Variants in ADCY10 observed in about 807,000 individuals in gnomAD.
The protein encoded by ADCY10 is adenylate cyclase 10.
In ADCY10, 156 loss-of-function variants were observed where a neutral mutation model predicts 183.3. The ratio of observed to expected loss-of-function variants is 0.85; its 90% confidence interval spans 0.75 to 0.97. The LOEUF is 0.97. Ranked by LOEUF, ADCY10 falls within the 50% of genes least tolerant of loss-of-function variation. The pLI is 0.00. For missense variants in ADCY10, 1,745 were observed against 1,934.3 expected (o/e 0.90, Z 1.84); for synonymous variants, 645 against 670.0 (o/e 0.96, Z 0.58).
Position 167,896,624 on chromosome 1 carries a change from A to C in ADCY10, c.710T>G (p.Met237Arg). The C allele has an allele frequency of 1.2e-6, 2 of 1,613,742 alleles. No individual in the cohort carries two copies. Among genetic ancestry groups the C allele is most frequent in the Non-Finnish European group, 1.7e-6 (2 of 1,179,612 alleles). The change falls in exon 7 of 33, where the codon ATG (methionine) becomes AGG (arginine). Residue 237 changes from methionine to arginine, a missense_variant. Met to Arg is a moderately conservative substitution (Grantham distance 91). Transcript: ENST00000367851. ...GTGCTCACCAGAAGGATAATAATGC[A>C]TGAAGGTCGTACACTTTGTGAAAAA... is the stretch of plus-strand genomic sequence containing the variant. ...DEFFTKCTTFMHYYPSGEHKN... is the reference protein window; with the variant it reads ...DEFFTKCTTFRHYYPSGEHKN...
At chr1:167,887,272 A>T (rs1668292365) in intron 8 of ADCY10, among the ~76,000 whole-genome samples, 1 of 152,214 alleles carries the variant, frequency 6.6e-6, no homozygotes, top group Admixed American at 6.5e-5. Context: ...CACTATTCAC[A>T]ATAGCAAAGA....
intron 5 of ADCY10, 73 bp downstream of exon 5, chr1:167,901,589 G>A (rs1002697554): frequency 5.0e-5 from 72 of 1,448,080 alleles, no homozygotes; most frequent in Non-Finnish European, 4.4e-5. Context: ...CTTCTCTTTG[G>A]GAGAGAGAGA....
At position 167,884,369 on chromosome 1, in the gene ADCY10, A is replaced by T. The variant is rs533845861; in HGVS notation, c.829-741T>A. Among the ~76,000 whole-genome samples, 3 of 152,252 alleles carry T rather than the reference A, an allele frequency of 2.0e-5. No individual in the cohort carries two copies. The East Asian group carries it at 5.8e-4, about 29-fold the overall frequency. Reference sequence around the variant, plus strand: ...ACACACTTTTAAACAATCAGATCCCATGAGAACTCATTCACTATCACGAGA... The same window carrying T: ...ACACACTTTTAAACAATCAGATCCCTTGAGAACTCATTCACTATCACGAGA... On this transcript the variant is annotated intron_variant, in intron 8 of 32. Transcript: ENST00000367851.
intron 16 of ADCY10, 60 bp from the exon 17 acceptor site, chr1:167,856,499 T>A: frequency 6.5e-7 from 1 of 1,546,602 alleles, no homozygotes; most frequent in Non-Finnish European, 8.9e-7. Context: ...TTTTTACACA[T>A]GTATGGGTAT....
At chr1:167,849,211 C>T (rs1665291189) in intron 18 of ADCY10, among the ~76,000 whole-genome samples, 2 of 152,122 alleles carry the variant, frequency 1.3e-5, no homozygotes, top group African/African-American at 4.8e-5. Context: ...CATACCCACA[C>T]TCAGTTACAA....
At chr1:167,841,688 C>T (rs952337749) in intron 21 of ADCY10, among the ~76,000 whole-genome samples, 11 of 151,878 alleles carry the variant, frequency 7.2e-5, no homozygotes, top group African/African-American at 2.4e-4. Context: ...TGGGGTCTTG[C>T]TATCCTGCCC....
At chr1:167,843,782 T>C (rs987968237) in intron 21 of ADCY10, among the ~76,000 whole-genome samples, 59 of 152,174 alleles carry the variant, frequency 3.9e-4, no homozygotes, top group African/African-American at 1.2e-3. Flanking sequence ...CAGGCCCCAG[T>C]GTTCTATGTC....
chr1:167,825,990 G>A (rs528510448), intron 26 of ADCY10, among the ~76,000 whole-genome samples: 1 of 152,216 alleles, frequency 6.6e-6, no homozygotes, highest in South Asian at 2.1e-4. Flanking sequence ...AATACAAACA[G>A]GAAAAATAAA....
At chr1:167,814,790 G>A (rs1395316365) in intron 31 of ADCY10, among the ~76,000 whole-genome samples, 1 of 152,068 alleles carries the variant, frequency 6.6e-6, no homozygotes, top group Non-Finnish European at 1.5e-5. Context: ...ACTTAAACAT[G>A]ATTAAAATGT....
chr1:167,886,654 G>A (rs905218424), intron 8 of ADCY10, among the ~76,000 whole-genome samples: 1 of 152,184 alleles, frequency 6.6e-6, no homozygotes, highest in African/African-American at 2.4e-5. Flanking sequence ...CTTCATGACT[G>A]AAACACCAAA....
intron 30 of ADCY10, chr1:167,821,211 A>G (rs1662890694): frequency 6.6e-6 from 1 of 152,374 alleles, no homozygotes; most frequent in Admixed American, 6.5e-5. Context: ...TAATAGCTAC[A>G]TGCTTAACTG....
chr1:167,903,079 A>C (rs1305860870), intron 3 of ADCY10, among the ~76,000 whole-genome samples: 1 of 151,336 alleles, frequency 6.6e-6, no homozygotes, highest in Non-Finnish European at 1.5e-5. Flanking sequence ...ACATGGTAAA[A>C]CCCTATCTCT....
In ADCY10 at chr1:167,834,144, G is replaced by T. The variant is rs1664013025; in HGVS notation, c.3310-67C>A. ...GGATTGAGCCCACAGAAGGGCCATT[G>T]CCCCAGACTCTACTGAAGTAAGAGA... On this transcript the variant is annotated intron_variant, in intron 23 of 32. Coordinates refer to ENST00000367851, the MANE Select transcript of ADCY10 (RefSeq NM_018417.6). 6.7e-6 allele frequency: 8 copies of T among 1,188,332 alleles called. No individual in the cohort carries two copies. In the Admixed American group the frequency reaches 1.2e-4, roughly 18 times the overall value. The allele number at this position is 1,188,332 out of a possible 1,614,324, so 73.6% of individuals were successfully genotyped here. A position where few individuals can be genotyped will look rare whatever the true frequency, so the allele number is the denominator to read the frequency against.
At chr1:167,860,247 G>A (rs1237262959) in intron 15 of ADCY10, among the ~76,000 whole-genome samples, 4 of 152,164 alleles carry the variant, frequency 2.6e-5, no homozygotes, top group Non-Finnish European at 5.9e-5. Context: ...TCCCATCTGA[G>A]GGTGATGGAA....
Position 167,829,424 on chromosome 1 carries a change from C to G in ADCY10, c.3594-1G>C, listed in dbSNP as rs766139907. On this transcript the variant is annotated splice_acceptor_variant, in intron 25 of 32. Coordinates refer to ENST00000367851, the MANE Select transcript of ADCY10 (RefSeq NM_018417.6). LOFTEE classifies it high-confidence loss of function. ...GTAAAGTTGTGCCAGCCTCTTCTTC[C>G]TATTGGATAAGGTAAACACAAATGG... 1.1e-5 allele frequency: 18 copies of G among 1,613,954 alleles called. No individual in the cohort carries two copies. Among genetic ancestry groups the G allele is most frequent in the Middle Eastern group, 3.3e-4 (2 of 6,084 alleles).
chr1:167,864,292 G>A (rs1289438551), intron 14 of ADCY10, among the ~76,000 whole-genome samples: 1 of 152,150 alleles, frequency 6.6e-6, no homozygotes, highest in African/African-American at 2.4e-5. Flanking sequence ...TAGAAACTAT[G>A]TTGAAAAATT....
At chr1:167,816,681 AG>A (rs1662548976) in intron 31 of ADCY10, among the ~76,000 whole-genome samples, 1 of 152,236 alleles carries the variant, frequency 6.6e-6, no homozygotes, top group Non-Finnish European at 1.5e-5. Flanking sequence ...ACCTGTTGAC[AG>A]GAAAAAAATC....
At position 167,896,630 on chromosome 1, in the gene ADCY10, G is replaced by A. The variant is rs756017782; in HGVS notation, c.704C>T (p.Thr235Ile). The change falls in exon 7 of 33, where the codon ACC becomes ATC. Residue 235 changes from threonine (T) to isoleucine (I), a missense_variant. Thr to Ile is a moderately conservative substitution (Grantham distance 89, BLOSUM62 -1). Transcript: ENST00000367851. ...ACCAGAAGGATAATAATGCATGAAG[G>A]TCGTACACTTTGTGAAAAATTCATC... Reference protein sequence around the residue: ...NFDEFFTKCTTFMHYYPSGEH... With the variant: ...NFDEFFTKCTIFMHYYPSGEH... The A allele has an allele frequency of 6.2e-7, 1 of 1,613,602 alleles. No individual in the cohort carries two copies.
intron 30 of ADCY10, chr1:167,820,435 C>T: frequency 2.0e-6 from 1 of 509,434 alleles, no homozygotes; most frequent in Non-Finnish European, 3.4e-6. Context: ...ATTTTTATGC[C>T]CACTAAAGTC....
Sources: allele counts gnomAD v4.1 joint callset (sites outside exome capture counted in the v4.1 genomes callset), GRCh38; gene constraint gnomAD v4.1.1; transcripts MANE v1.5; gene names NCBI Gene and HGNC (gene_info 2026-07-23, HGNC 2026-07-21).